ATPAF1: variants seen among roughly 807,000 people sequenced by gnomAD.
ATPAF1 encodes the protein ATP synthase mitochondrial F1 complex assembly factor 1, also known as homolog of yeast ATP11.
In ATPAF1, 26 loss-of-function variants were observed where a neutral mutation model predicts 43.9. The observed-to-expected ratio is 0.59, with a 90% CI of 0.43 to 0.82. The LOEUF is 0.82. ATPAF1 is among the 40% of genes least tolerant of loss of function. ATPAF1 has a pLI of 0.00. For missense variants in ATPAF1, 366 were observed against 435.0 expected (o/e 0.84, Z 1.41); for synonymous variants, 157 against 168.0 (o/e 0.93, Z 0.50).
chr1:46,651,328 C>T (rs12091675), intron 6 of ATPAF1, among the ~76,000 whole-genome samples: 18,575 of 151,766 alleles, frequency 0.12, 2,852 homozygotes, highest in East Asian at 0.39. Context: ...AGGACATGAA[C>T]TCATCATTTT....
chr1:46,661,828 C>T (rs1396991099), intron 2 of ATPAF1, among the ~76,000 whole-genome samples: 1 of 151,966 alleles, frequency 6.6e-6, no homozygotes, highest in African/African-American at 2.4e-5. Context: ...GAATATTTAC[C>T]TAAGAGCTGC....
chr1:46,668,159 C>T lies in ATPAF1; in HGVS notation c.164G>A (p.Arg55Gln). The stretch of plus-strand genomic sequence containing the variant: ...GCTGCTGTCGGCGCCCCCCTCGGGC[C>T]GGCCCGAGCCGGGGCGCACTGGGAA... Residue 55 changes from arginine (R) to glutamine (Q), a missense_variant, in exon 1 of 9, where the codon CGG (arginine) becomes CAG (glutamine). Arg to Gln is a conservative substitution (Grantham distance 43, BLOSUM62 1). Coordinates refer to ENST00000574428, the Ensembl canonical transcript of ATPAF1. This position sits in a 1 kb window ranked among gnomAD's most constrained non-coding sequence, Gnocchi z 4.4. 2 of 1,397,528 alleles carry T rather than the reference C, an allele frequency of 1.4e-6. No individual in the cohort carries two copies. The highest frequency in any genetic ancestry group is 1.9e-6 in the Non-Finnish European group (2 of 1,076,584). 86.6% of individuals were successfully genotyped at this position (1,397,528 alleles called of 1,614,324 possible). A position where few individuals can be genotyped will look rare whatever the true frequency, so the allele number is the denominator to read the frequency against.
intron 2 of ATPAF1, among the ~76,000 whole-genome samples, chr1:46,663,232 G>A (rs529570899): frequency 5.4e-4 from 82 of 152,110 alleles, no homozygotes; most frequent in Non-Finnish European, 8.8e-4. Flanking sequence ...GAATAGTGCC[G>A]CAATAAACAT....
At chr1:46,656,263 A>G (rs769594221) in intron 4 of ATPAF1, among the ~76,000 whole-genome samples, 62 of 152,320 alleles carry the variant, frequency 4.1e-4, no homozygotes, top group Non-Finnish European at 4.4e-4. Flanking sequence ...GCATAGAAGT[A>G]GAGGAGGGTA....
chr1:46,653,872 AC>A lies in ATPAF1; in HGVS notation c.490-6del, dbSNP rs749066885. The A allele has an allele frequency of 1.2e-6, 2 of 1,610,298 alleles. No homozygotes were observed. Among genetic ancestry groups the A allele is most frequent in the Non-Finnish European group, 1.7e-6 (2 of 1,178,442 alleles). ...TGCAAAATATTGCTGCCAAATCTGT[AC>A]AAAAAAGAGAGGGGTGTCTGTGACA... On this transcript the variant is annotated splice_region_variant and splice_polypyrimidine_tract_variant and intron_variant, in intron 4 of 8. Transcript: ENST00000574428. The surrounding 1 kb of genome is among the most constrained non-coding windows in gnomAD (Gnocchi z 4.8).
At chr1:46,665,093 G>C (rs1226311855) in intron 2 of ATPAF1, 163 bp downstream of exon 2, 1 of 662,948 alleles carries the variant, frequency 1.5e-6, no homozygotes, top group Non-Finnish European at 2.6e-6. Flanking sequence ...ACTTTGCCTA[G>C]AAAGAGCAGG....
intron 1 of ATPAF1, chr1:46,665,738 C>T (rs1028275528): frequency 1.2e-5 from 18 of 1,524,964 alleles, no homozygotes; most frequent in Non-Finnish European, 1.6e-5. Flanking sequence ...CAAGCTTTTA[C>T]TTGAATACAT....
intron 8 of ATPAF1, among the ~76,000 whole-genome samples, chr1:46,639,265 C>T (rs564404585): frequency 6.6e-6 from 1 of 152,032 alleles, no homozygotes; most frequent in South Asian, 2.1e-4. Flanking sequence ...TGATACCAAA[C>T]TCTTTACAAT....
chr1:46,635,207 C>T (rs543534152), exon 9 of ATPAF1: 1 of 153,390 alleles, frequency 6.5e-6, no homozygotes, highest in Admixed American at 6.5e-5. Context: ...TGCTGATACC[C>T]CAAGCCAGCT....
At chr1:46,658,858 CTTTTTATAATA>C in intron 2 of ATPAF1, 121 bp from the exon 3 acceptor site, 1 of 564,442 alleles carries the variant, frequency 1.8e-6, no homozygotes, top group Non-Finnish European at 3.0e-6. Flanking sequence ...CTTCTCTCCA[CTTTTTATAATA>C]ATTGTTCTAA....
chr1:46,640,596 T>A (rs958985545), intron 8 of ATPAF1, among the ~76,000 whole-genome samples: 5 of 152,140 alleles, frequency 3.3e-5, no homozygotes, highest in Admixed American at 3.3e-4. Flanking sequence ...ATTGTGCCAC[T>A]GCACTCCAGC....
intron 4 of ATPAF1, among the ~76,000 whole-genome samples, chr1:46,655,568 A>C (rs1457942404): frequency 6.6e-6 from 1 of 152,262 alleles, no homozygotes; most frequent in Admixed American, 6.5e-5. Flanking sequence ...TGTCTTTTAT[A>C]GTATACATAG....
downstream of ATPAF1, chr1:46,633,915 G>A (rs1458828738): frequency 1.6e-5 from 7 of 444,096 alleles, no homozygotes; most frequent in Non-Finnish European, 2.7e-5. Flanking sequence ...ACATTCAGAA[G>A]GTCAGAAGGC....
intron 3 of ATPAF1, 35 bp downstream of exon 3, chr1:46,658,652 C>G: frequency 6.5e-7 from 1 of 1,540,800 alleles, no homozygotes; most frequent in Non-Finnish European, 8.8e-7. Context: ...CATATGACTT[C>G]AAGCTTTTTT....
chr1:46,638,972 C>G (rs1033517517), intron 8 of ATPAF1, among the ~76,000 whole-genome samples: 1 of 152,230 alleles, frequency 6.6e-6, no homozygotes, highest in Admixed American at 6.5e-5. Flanking sequence ...TTTCCTCCAT[C>G]TCTATACCAC....
chr1:46,658,073 G>T, intron 4 of ATPAF1, 54 bp downstream of exon 4: 2 of 1,510,010 alleles, frequency 1.3e-6, no homozygotes, highest in Non-Finnish European at 9.1e-7. Context: ...TTTCAGATTT[G>T]GTTCACAGAA....
At chr1:46,651,232 G>A (rs2148820364) in intron 6 of ATPAF1, among the ~76,000 whole-genome samples, 1 of 151,128 alleles carries the variant, frequency 6.6e-6, no homozygotes. Flanking sequence ...TCCCACCTAT[G>A]AGTGAGAACA....
intron 2 of ATPAF1, among the ~76,000 whole-genome samples, chr1:46,662,020 G>A (rs1047454654): frequency 1.7e-4 from 25 of 150,626 alleles, no homozygotes; most frequent in African/African-American, 5.9e-4. Flanking sequence ...TCAGCCTCCC[G>A]AGTAGCTGGG....
chr1:46,666,987 G>A (rs566722278), intron 1 of ATPAF1, among the ~76,000 whole-genome samples: 2 of 152,370 alleles, frequency 1.3e-5, no homozygotes, highest in Non-Finnish European at 2.9e-5. Flanking sequence ...AGAGAAGCCT[G>A]GAGGGGAATG....
Sources: gnomAD v4.1 joint callset for allele counts (sites outside exome capture counted in the v4.1 genomes callset) on GRCh38, gnomAD v4.1.1 for gene constraint, Gnocchi (gnomAD v3.1) non-coding constraint, MANE v1.5 for transcripts, NCBI Gene and HGNC (gene_info 2026-07-23, HGNC 2026-07-21) for gene names.